CTNND2: variants seen among roughly 807,000 people sequenced by gnomAD.
CTNND2 encodes catenin delta-2.
In CTNND2, 22 loss-of-function variants were observed where a neutral mutation model predicts 144.4. The observed-to-expected ratio is 0.15, with a 90% CI of 0.11 to 0.22. CTNND2 has a LOEUF of 0.22. Ranked by LOEUF, CTNND2 falls within the 10% of genes least tolerant of loss-of-function variation. The pLI, the probability that CTNND2 is intolerant of heterozygous loss-of-function variation, is 1.00. For synonymous variants in CTNND2, 751 were observed against 695.6 expected (o/e 1.08, Z -1.25); for missense variants, 1,353 against 1,618.8 (o/e 0.84, Z 2.82).
chr5:11,074,753 A>G (rs1350337001), intron 16 of CTNND2, among the ~76,000 whole-genome samples: 5 of 152,200 alleles, frequency 3.3e-5, no homozygotes, highest in Admixed American at 3.3e-4. Flanking sequence ...TTGTAATTCT[A>G]TGGGCATCAC....
intron 1 of CTNND2, among the ~76,000 whole-genome samples, chr5:11,858,890 C>T (rs1233813308): frequency 6.6e-6 from 1 of 152,196 alleles, no homozygotes; most frequent in Non-Finnish European, 1.5e-5. Flanking sequence ...GATCCCACCA[C>T]TGCACTCCAG....
chr5:11,609,409 C>G (rs1217535579), intron 2 of CTNND2, among the ~76,000 whole-genome samples: 4 of 151,910 alleles, frequency 2.6e-5, no homozygotes, highest in Non-Finnish European at 4.4e-5. Flanking sequence ...GAAAATGTGC[C>G]CTCTTTAAAC....
chr5:11,597,643 T>C (rs2561623), intron 2 of CTNND2, among the ~76,000 whole-genome samples: 1 of 152,226 alleles, frequency 6.6e-6, no homozygotes, highest in African/African-American at 2.4e-5. Flanking sequence ...GTGTGATCAC[T>C]GCTTACTGCA....
intron 3 of CTNND2, among the ~76,000 whole-genome samples, chr5:11,519,852 T>C (rs546583811): frequency 6.6e-6 from 1 of 151,900 alleles, no homozygotes; most frequent in Non-Finnish European, 1.5e-5. Context: ...AAAATATCTC[T>C]ATCTGGCCAG....
chr5:11,541,847 C>G (rs989631744), intron 3 of CTNND2, among the ~76,000 whole-genome samples: 11 of 142,572 alleles, frequency 7.7e-5, no homozygotes, highest in Admixed American at 2.7e-4. Context: ...GACCCCCCCC[C>G]CCCGGCCAAA....
intron 16 of CTNND2, among the ~76,000 whole-genome samples, chr5:11,053,454 T>C (rs1746047103): frequency 6.6e-6 from 1 of 152,238 alleles, no homozygotes; most frequent in Admixed American, 6.5e-5. Context: ...CTGAAAAATA[T>C]ATTAATACAT....
At chr5:11,330,483 CAA>C (rs10627159) in intron 9 of CTNND2, among the ~76,000 whole-genome samples, 765 of 43,326 alleles carry the variant, frequency 0.018, 3 homozygotes, top group African/African-American at 0.065. Flanking sequence ...GACTCCGTCT[CAA>C]AAAAAAAAAA....
chr5:11,744,570 T>TGGGCTGAGATGCA (rs1410753240), intron 1 of CTNND2, among the ~76,000 whole-genome samples: 3 of 152,016 alleles, frequency 2.0e-5, no homozygotes. Flanking sequence ...GAGCAGCAAG[T>TGGGCTGAGATGCA]GGGCTGAGAT....
intron 21 of CTNND2, among the ~76,000 whole-genome samples, chr5:10,976,640 G>C (rs1053842639): frequency 2.0e-5 from 3 of 152,174 alleles, no homozygotes; most frequent in African/African-American, 7.2e-5. Flanking sequence ...AGTCATCTTT[G>C]CTGAACTTTT....
intron 2 of CTNND2, among the ~76,000 whole-genome samples, chr5:11,569,872 G>A (rs1316601418): frequency 2.0e-5 from 3 of 152,026 alleles, no homozygotes; most frequent in Non-Finnish European, 4.4e-5. Flanking sequence ...CCAGGAAGTG[G>A]GCCCTCACCA....
chr5:11,370,027 T>C (rs1237341179), intron 7 of CTNND2, among the ~76,000 whole-genome samples: 2 of 152,198 alleles, frequency 1.3e-5, no homozygotes, highest in African/African-American at 4.8e-5. Flanking sequence ...ATACTACAAT[T>C]GATTGGACGA....
At chr5:11,285,163 C>T (rs1179954958) in intron 9 of CTNND2, among the ~76,000 whole-genome samples, 3 of 152,180 alleles carry the variant, frequency 2.0e-5, no homozygotes, top group Non-Finnish European at 4.4e-5. Flanking sequence ...ATATCTGCTG[C>T]CCCAGCAAGA....
At chr5:11,495,878 C>A (rs1051480739) in intron 3 of CTNND2, among the ~76,000 whole-genome samples, 15 of 152,150 alleles carry the variant, frequency 9.9e-5, no homozygotes, top group African/African-American at 3.4e-4. Context: ...CCCACTCCCC[C>A]CAGTGACTTC....
chr5:11,566,716 CA>C (rs1777132291), intron 2 of CTNND2, among the ~76,000 whole-genome samples: 1 of 152,296 alleles, frequency 6.6e-6, no homozygotes, highest in African/African-American at 2.4e-5. Flanking sequence ...ATTCATCAAC[CA>C]GGGGCTTCCG....
At chr5:11,201,211 T>C (rs923883454) in intron 10 of CTNND2, among the ~76,000 whole-genome samples, 1 of 152,232 alleles carries the variant, frequency 6.6e-6, no homozygotes, top group African/African-American at 2.4e-5. Context: ...AATGTCTCTG[T>C]TATATATCCC....
At chr5:11,176,713 A>C (rs747669060) in intron 11 of CTNND2, among the ~76,000 whole-genome samples, 1 of 152,116 alleles carries the variant, frequency 6.6e-6, no homozygotes, top group Non-Finnish European at 1.5e-5. Context: ...CAAAATCTGA[A>C]TTGGGCTCTA....
chr5:11,862,705 C>T (rs1191547342), intron 1 of CTNND2, among the ~76,000 whole-genome samples: 1 of 152,110 alleles, frequency 6.6e-6, no homozygotes, highest in Non-Finnish European at 1.5e-5. Context: ...TTCATTTTGC[C>T]ATAATTATTA....
intron 2 of CTNND2, among the ~76,000 whole-genome samples, chr5:11,571,882 T>C (rs747264546): frequency 1.3e-5 from 2 of 152,202 alleles, no homozygotes; most frequent in Non-Finnish European, 2.9e-5. Flanking sequence ...TGATAGTGTG[T>C]GACTCTTTAT....
intron 1 of CTNND2, among the ~76,000 whole-genome samples, chr5:11,769,460 A>C (rs1410623225): frequency 6.6e-6 from 1 of 152,228 alleles, no homozygotes. Context: ...TATTTGAGCA[A>C]TTCTCGTGAT....
Sources: gnomAD v4.1 joint callset for allele counts (sites outside exome capture counted in the v4.1 genomes callset) on GRCh38, gnomAD v4.1.1 for gene constraint, MANE v1.5 for transcripts, NCBI Gene and HGNC (gene_info 2026-07-23, HGNC 2026-07-21) for gene names.